ZNF618: variants seen among roughly 807,000 people sequenced by gnomAD.
ZNF618 encodes the protein neural precursor cell expressed, developmentally down-regulated 10.
A neutral mutation model predicts 103.0 loss-of-function variants in ZNF618; 34 were observed. The ratio of observed to expected loss-of-function variants is 0.33; its 90% CI spans 0.25 to 0.44. The LOEUF (loss-of-function observed/expected upper bound fraction) is 0.44, where lower values mean the gene tolerates loss of function less well. Ranked by LOEUF, ZNF618 falls within the 20% of genes least tolerant of loss-of-function variation. ZNF618 has a pLI of 1.00. For missense variants in ZNF618, 1,059 were observed against 1,295.4 expected, an observed-to-expected ratio of 0.82 and a Z score of 2.80; for synonymous variants, 551 against 542.2, an observed-to-expected ratio of 1.02 and a Z score of -0.23.
chr9:113,975,685 ATAAAT>A (rs551919828), intron 2 of ZNF618, among the ~76,000 whole-genome samples: 1 of 152,326 alleles, frequency 6.6e-6, no homozygotes, highest in South Asian at 2.1e-4. Flanking sequence ...ACTGAAAAAA[ATAAAT>A]TAAAAATCCA....
chr9:113,882,201 G>A (rs987271523), intron 1 of ZNF618, among the ~76,000 whole-genome samples: 3 of 152,136 alleles, frequency 2.0e-5, no homozygotes, highest in African/African-American at 7.2e-5. Flanking sequence ...GAGATTTTCC[G>A]AATCCACCCC....
At chr9:113,882,198 T>C (rs1828589669) in intron 1 of ZNF618, among the ~76,000 whole-genome samples, 1 of 152,146 alleles carries the variant, frequency 6.6e-6, no homozygotes, top group Non-Finnish European at 1.5e-5. Context: ...ATAGAGATTT[T>C]CCGAATCCAC....
intron 10 of ZNF618, 41 bp from the exon 11 acceptor site, chr9:114,028,692 G>A: frequency 1.3e-6 from 2 of 1,529,886 alleles, no homozygotes; most frequent in East Asian, 4.9e-5. Flanking sequence ...CACTCTGCCG[G>A]CTGGGAGGGC....
intron 3 of ZNF618, among the ~76,000 whole-genome samples, chr9:113,989,018 C>T (rs2133314021): frequency 6.6e-6 from 1 of 152,312 alleles, no homozygotes; most frequent in African/African-American, 2.4e-5. Context: ...TGGCACTTCC[C>T]CTGCCTCTTC....
rs754922865 is a variant in ZNF618, at chr9:114,048,689, G to A, written c.1387G>A (p.Glu463Lys). 4.3e-6 allele frequency: 7 copies of A among 1,613,662 alleles called. No homozygotes were observed. Among genetic ancestry groups the A allele is most frequent in the East Asian group, 2.2e-5 (1 of 44,892 alleles). Reference sequence around the variant, plus strand: ...TTTAACACCCAACAGCATGATCCCCGAAAAGGAGCGGCAGAACATCGCAGA... The same window carrying A: ...TTTAACACCCAACAGCATGATCCCCAAAAAGGAGCGGCAGAACATCGCAGA... Reference protein sequence around the residue: ...SGLTPNSMIPEKERQNIAERL... With the variant: ...SGLTPNSMIPKKERQNIAERL... Residue 463 changes from glutamate to lysine, a missense_variant, in exon 15 of 15, where the codon GAA (glutamate) becomes AAA (lysine). Physicochemically the swap from Glu to Lys is moderately conservative, Grantham distance 56. Transcript: ENST00000374126.
At chr9:114,038,920 T>G (rs1844872597) in intron 13 of ZNF618, among the ~76,000 whole-genome samples, 1 of 152,242 alleles carries the variant, frequency 6.6e-6, no homozygotes, top group Non-Finnish European at 1.5e-5. Flanking sequence ...CCAGGCCTTG[T>G]TCTAAGACTT....
intron 1 of ZNF618, among the ~76,000 whole-genome samples, chr9:113,899,125 C>CT (rs1313449138): frequency 1.3e-5 from 2 of 152,000 alleles, no homozygotes; most frequent in East Asian, 1.9e-4. Flanking sequence ...ATTTTAAGAC[C>CT]TTTTTTCCCT....
At chr9:113,912,559 C>G (rs186686535) in intron 1 of ZNF618, among the ~76,000 whole-genome samples, 2 of 152,148 alleles carry the variant, frequency 1.3e-5, no homozygotes, top group Non-Finnish European at 2.9e-5. Context: ...AGGAGTAAGT[C>G]GGGACTGCCT....
At chr9:114,034,652 G>A (rs1446546281) in intron 12 of ZNF618, among the ~76,000 whole-genome samples, 8 of 152,206 alleles carry the variant, frequency 5.3e-5, no homozygotes, top group African/African-American at 1.9e-4. Context: ...GTGGAGCCAG[G>A]ATTCCCCATC....
At chr9:114,026,135 A>AGT (rs1843479096) in intron 10 of ZNF618, among the ~76,000 whole-genome samples, 1 of 152,220 alleles carries the variant, frequency 6.6e-6, no homozygotes, top group Non-Finnish European at 1.5e-5. Flanking sequence ...TTTTAAGTAC[A>AGT]GTGTGTAGGA....
chr9:113,987,631 C>G (rs1431178252), intron 2 of ZNF618, among the ~76,000 whole-genome samples: 1 of 152,204 alleles, frequency 6.6e-6, no homozygotes. Context: ...AGCACGAAAC[C>G]CTTACCGCCC....
intron 1 of ZNF618, among the ~76,000 whole-genome samples, chr9:113,927,063 G>A (rs375549779): frequency 6.6e-6 from 1 of 152,074 alleles, no homozygotes; most frequent in Non-Finnish European, 1.5e-5. Context: ...TGTCATATCC[G>A]AGTCTGGTTC....
At chr9:113,990,429 G>T (rs570853970) in intron 3 of ZNF618, among the ~76,000 whole-genome samples, 27 of 152,338 alleles carry the variant, frequency 1.8e-4, no homozygotes, top group African/African-American at 6.5e-4. Flanking sequence ...TGACACTGGT[G>T]CTGCAGCTGT....
chr9:114,007,659 A>G (rs1043553485), intron 7 of ZNF618, among the ~76,000 whole-genome samples: 1 of 152,206 alleles, frequency 6.6e-6, no homozygotes, highest in Admixed American at 6.5e-5. Context: ...CCCAAGTGAA[A>G]TTGCCATTTT....
chr9:113,996,139 GC>G (rs1400437727), intron 3 of ZNF618, among the ~76,000 whole-genome samples: 2 of 152,130 alleles, frequency 1.3e-5, no homozygotes, highest in Non-Finnish European at 2.9e-5. Flanking sequence ...AAGCCCCAGA[GC>G]CTCAGGAAAC....
chr9:113,963,627 G>A (rs956788074), intron 1 of ZNF618, among the ~76,000 whole-genome samples: 2 of 152,300 alleles, frequency 1.3e-5, no homozygotes, highest in South Asian at 4.2e-4. Flanking sequence ...ACTATCTGCT[G>A]AGTGAATAAA....
intron 2 of ZNF618, among the ~76,000 whole-genome samples, chr9:113,975,517 T>A (rs950698606): frequency 6.6e-6 from 1 of 152,096 alleles, no homozygotes. Flanking sequence ...GCAATACAGA[T>A]TGAGTATTCC....
intron 1 of ZNF618, among the ~76,000 whole-genome samples, chr9:113,910,522 G>A (rs1053298254): frequency 3.3e-5 from 5 of 152,230 alleles, no homozygotes; most frequent in Admixed American, 6.5e-5. Flanking sequence ...AGGTGTGCGC[G>A]GCTGCTGTGA....
chr9:113,918,636 A>G (rs1346313626), intron 1 of ZNF618, among the ~76,000 whole-genome samples: 1 of 152,150 alleles, frequency 6.6e-6, no homozygotes, highest in Non-Finnish European at 1.5e-5. Flanking sequence ...ATGGGTTATA[A>G]TCAATTACCA....
Sources: allele counts gnomAD v4.1 joint callset (sites outside exome capture counted in the v4.1 genomes callset), GRCh38; gene constraint gnomAD v4.1.1; transcripts MANE v1.5; gene names NCBI Gene and HGNC (gene_info 2026-07-23, HGNC 2026-07-21).